Variants in HIVEP3 observed in about 807,000 individuals in gnomAD.
The protein encoded by HIVEP3 is HIVEP zinc finger 3.
Under a neutral mutation model 152.8 loss-of-function variants are expected in HIVEP3, and 49 were observed. The observed-to-expected ratio is 0.32, with a 90% CI of 0.26 to 0.41. HIVEP3 has a LOEUF of 0.41. Ranked by LOEUF, HIVEP3 falls within the 10% of genes least tolerant of loss-of-function variation. The pLI is 1.00. For missense variants in HIVEP3, 2,790 were observed against 3,103.3 expected (o/e 0.90, Z 2.40); for synonymous variants, 1,269 against 1,289.0 (o/e 0.98, Z 0.33).
intron 5 of HIVEP3, among the ~76,000 whole-genome samples, chr1:41,574,076 C>T (rs867843320): frequency 1.6e-4 from 24 of 152,232 alleles, no homozygotes; most frequent in African/African-American, 4.8e-4. Flanking sequence ...AGGGAAGATG[C>T]GAACCTCCCC....
Position 41,580,600 on chromosome 1 carries a change from C to T in HIVEP3, c.4198G>A (p.Val1400Met), listed in dbSNP as rs759346687. Reference protein sequence around the residue: ...AFPTPYLRVPVTLPERKGTSL... With the variant: ...AFPTPYLRVPMTLPERKGTSL... ...GTGCCTTTTCTTTCAGGTAATGTCA[C>T]AGGCACTCTCAGGTATGGAGTTGGG... Residue 1400 changes from valine to methionine, a missense_variant, in exon 4 of 9, where the codon GTG becomes ATG. Val to Met is a conservative substitution (Grantham distance 21). Around this residue, in one of 9 missense-constraint regions of HIVEP3, gnomAD observed 1,078 missense variants for 1,165.3 expected, o/e 0.93. Coordinates refer to ENST00000372583, the MANE Select transcript of HIVEP3 (RefSeq NM_024503.5). 1.5e-5 allele frequency: 25 copies of T among 1,614,066 alleles called. No homozygotes were observed. Among genetic ancestry groups the T allele is most frequent in the Admixed American group, 1.7e-5 (1 of 60,008 alleles).
intron 1 of HIVEP3, among the ~76,000 whole-genome samples, chr1:41,977,017 C>T (rs1645263199): frequency 2.6e-5 from 4 of 152,174 alleles, no homozygotes; most frequent in Admixed American, 2.6e-4. Context: ...ACTAATACAA[C>T]AGCAGTACTC....
chr1:41,757,777 G>A (rs373609729), intron 1 of HIVEP3, among the ~76,000 whole-genome samples: 2 of 151,164 alleles, frequency 1.3e-5, no homozygotes, highest in South Asian at 2.1e-4. Flanking sequence ...GCAATGGTGC[G>A]ATCTCAGCTC....
intron 1 of HIVEP3, among the ~76,000 whole-genome samples, chr1:41,859,130 C>T (rs1643849553): frequency 6.6e-6 from 1 of 152,136 alleles, no homozygotes; most frequent in Admixed American, 6.5e-5. Flanking sequence ...GAAGAATGCC[C>T]AGCACACAGT....
Position 41,918,800 on chromosome 1 carries a change from A to T in HIVEP3, c.-1188T>A, listed in dbSNP as rs1237373684. On this transcript the variant is annotated 5_prime_UTR_variant, in exon 1 of 9. Coordinates refer to ENST00000372583, the MANE Select transcript of HIVEP3 (RefSeq NM_024503.5). The surrounding 1 kb of genome is among the most constrained non-coding windows in gnomAD (Gnocchi z 4.3). ...ACCCAAACAGAAGCATCCCTCTTGA[A>T]TTCGTGCTGCTGAAAAACACGGAAT... is the stretch of plus-strand genomic sequence containing the variant. 4 of 152,218 alleles carry T rather than the reference A, an allele frequency of 2.6e-5. No homozygotes were observed. The highest frequency in any genetic ancestry group is 5.9e-5 in the Non-Finnish European group (4 of 68,040). The allele number at this position is 152,218 out of a possible 1,614,324, so 9.4% of individuals were successfully genotyped here.
Position 42,018,650 on chromosome 1 carries a change from G to T in HIVEP3, n.119+17157C>A, listed in dbSNP as rs116283619. On this transcript the variant is annotated intron_variant and non_coding_transcript_variant, in intron 1 of 3. Transcript: ENST00000489103. ...CTTTTTAGCAAAAGGCAATTAAGAA[G>T]CAGTAAACAGAGAAAAAGCTCACCC... 7.0e-4 allele frequency among the ~76,000 whole-genome samples: 107 copies of T among 152,062 alleles called. 1 individual carries two copies. The highest frequency in any genetic ancestry group is 1.4e-3 in the Non-Finnish European group (92 of 67,906).
At chr1:41,902,057 C>A (rs1341193695) in intron 1 of HIVEP3, among the ~76,000 whole-genome samples, 1 of 151,894 alleles carries the variant, frequency 6.6e-6, no homozygotes, top group Non-Finnish European at 1.5e-5. Context: ...GGGAGAGCTG[C>A]AAAGCCCAGA....
chr1:41,733,739 GAAA>G (rs1259327335), intron 1 of HIVEP3, among the ~76,000 whole-genome samples: 2 of 152,232 alleles, frequency 1.3e-5, no homozygotes, highest in Non-Finnish European at 2.9e-5. Flanking sequence ...CTGGAAAGAG[GAAA>G]GGGATGTGGG....
intron 5 of HIVEP3, among the ~76,000 whole-genome samples, chr1:41,541,886 C>T (rs902301891): frequency 6.6e-6 from 1 of 152,184 alleles, no homozygotes; most frequent in Admixed American, 6.5e-5. Flanking sequence ...ATACTTATGA[C>T]TTGGATTGTT....
At chr1:41,714,188 C>A (rs1374463779) in intron 1 of HIVEP3, among the ~76,000 whole-genome samples, 1 of 152,152 alleles carries the variant, frequency 6.6e-6, no homozygotes, top group African/African-American at 2.4e-5. Flanking sequence ...TTTTAACCCT[C>A]TGATGTTACT....
intron 1 of HIVEP3, among the ~76,000 whole-genome samples, chr1:41,792,566 C>A (rs929456821): frequency 6.6e-6 from 1 of 152,136 alleles, no homozygotes; most frequent in Non-Finnish European, 1.5e-5. Context: ...TAGCTGCCAC[C>A]ATCCTGAAAC....
At chr1:41,958,605 C>G (rs1645152885) in intron 1 of HIVEP3, among the ~76,000 whole-genome samples, 1 of 152,214 alleles carries the variant, frequency 6.6e-6, no homozygotes, top group Admixed American at 6.5e-5. Context: ...TGTCACTCAC[C>G]ACTGTTGCAG....
At chr1:41,953,587 C>A (rs1423365587) in intron 1 of HIVEP3, among the ~76,000 whole-genome samples, 2 of 152,162 alleles carry the variant, frequency 1.3e-5, no homozygotes, top group Non-Finnish European at 1.5e-5. Context: ...GAATTTGTAG[C>A]CCCACCCCAT....
intron 1 of HIVEP3, among the ~76,000 whole-genome samples, chr1:41,787,469 G>A (rs1328547090): frequency 6.6e-6 from 1 of 151,558 alleles, no homozygotes; most frequent in Non-Finnish European, 1.5e-5. Flanking sequence ...CATGCACACA[G>A]CAGATGAGTT....
intron 1 of HIVEP3, among the ~76,000 whole-genome samples, chr1:42,033,136 G>C (rs1645622593): frequency 6.6e-6 from 1 of 151,684 alleles, no homozygotes; most frequent in Non-Finnish European, 1.5e-5. Context: ...GACTTTTAAA[G>C]TTTCCTTTCA....
intron 1 of HIVEP3, among the ~76,000 whole-genome samples, chr1:42,028,186 G>T (rs762690088): frequency 3.4e-4 from 51 of 151,882 alleles, no homozygotes; most frequent in Admixed American, 1.4e-3. Context: ...TTTATTTTTT[G>T]TTGTTGTTGT....
At chr1:41,941,145 A>G (rs550287367) in intron 1 of HIVEP3, among the ~76,000 whole-genome samples, 1 of 152,292 alleles carries the variant, frequency 6.6e-6, no homozygotes, top group African/African-American at 2.4e-5. Flanking sequence ...AAGTGGATGG[A>G]AGGCAGACAG....
chr1:41,666,294 T>A (rs1645795947), intron 2 of HIVEP3, among the ~76,000 whole-genome samples: 1 of 152,184 alleles, frequency 6.6e-6, no homozygotes, highest in South Asian at 2.1e-4. Context: ...TCAGTTCCCA[T>A]CCTTTCTCTC....
At chr1:41,982,971 G>T (rs1439551396) in intron 1 of HIVEP3, among the ~76,000 whole-genome samples, 1 of 152,188 alleles carries the variant, frequency 6.6e-6, no homozygotes. Context: ...GGTAGCAGGG[G>T]AACGGTTTCA....
Sources: gnomAD v4.1 joint callset for allele counts (sites outside exome capture counted in the v4.1 genomes callset) on GRCh38, gnomAD v4.1.1 for gene constraint, gnomAD v4.1.1 regional missense constraint, Gnocchi (gnomAD v3.1) non-coding constraint, MANE v1.5 for transcripts, NCBI Gene and HGNC (gene_info 2026-07-23, HGNC 2026-07-21) for gene names.